SP100: variants seen among roughly 807,000 people sequenced by gnomAD.
The protein encoded by SP100 is nuclear autoantigen Sp-100.
SP100 carries 84 observed loss-of-function variants against 130.0 expected under a neutral mutation model. That is an observed-to-expected ratio of 0.65 (90% confidence interval 0.54 to 0.77). The LOEUF (loss-of-function observed/expected upper bound fraction) is 0.77, where lower values mean the gene tolerates loss of function less well. Among genes scored for constraint, SP100 ranks in the 30% least tolerant of loss-of-function variants. The pLI is 0.00. For synonymous variants in SP100, 331 were observed against 351.7 expected (o/e 0.94, Z 0.66); for missense variants, 978 against 1,052.2 (o/e 0.93, Z 0.97).
intron 2 of SP100, chr2:230,440,449 A>C: frequency 1.2e-6 from 1 of 840,282 alleles, no homozygotes. Context: ...TTTAAATTTA[A>C]TTAAATTAAA....
At chr2:230,457,068 C>A (rs139038329) in intron 8 of SP100, among the ~76,000 whole-genome samples, 9 of 152,308 alleles carry the variant, frequency 5.9e-5, no homozygotes, top group African/African-American at 2.2e-4. Context: ...TCTGGGAAAG[C>A]CTTTCACCCT....
chr2:230,511,788 C>G (rs1357241010), intron 24 of SP100, among the ~76,000 whole-genome samples: 1 of 152,200 alleles, frequency 6.6e-6, no homozygotes, highest in Non-Finnish European at 1.5e-5. Context: ...CATGTTTATT[C>G]TCACTTCTTG....
chr2:230,501,623 C>G (rs1376810280), intron 19 of SP100, among the ~76,000 whole-genome samples: 1 of 151,540 alleles, frequency 6.6e-6, no homozygotes, highest in Non-Finnish European at 1.5e-5. Context: ...ATAATTTGCT[C>G]AAAGGAAGGA....
intron 24 of SP100, 57 bp from the exon 25 acceptor site, chr2:230,539,210 T>C (rs934716880): frequency 4.7e-6 from 5 of 1,059,802 alleles, no homozygotes; most frequent in Non-Finnish European, 4.4e-6. Flanking sequence ...AAAGGTCACA[T>C]ATTCTAGGGT....
chr2:230,452,426 C>T (rs1280723905), intron 8 of SP100, among the ~76,000 whole-genome samples: 1 of 152,114 alleles, frequency 6.6e-6, no homozygotes, highest in Non-Finnish European at 1.5e-5. Flanking sequence ...ATCCACCCAC[C>T]TCAAACTCCT....
chr2:230,429,235 A>C (rs75110342), intron 2 of SP100, among the ~76,000 whole-genome samples: 2,478 of 152,264 alleles, frequency 0.016, 74 homozygotes, highest in African/African-American at 0.054. Context: ...ATTCTTGGTC[A>C]GTAGAGTTTC....
chr2:230,540,212 G>A (rs548209071), intron 25 of SP100, among the ~76,000 whole-genome samples: 71 of 152,306 alleles, frequency 4.7e-4, no homozygotes, highest in African/African-American at 1.6e-3. Flanking sequence ...GGCTCCTTGA[G>A]CAAGCACTAC....
intron 19 of SP100, among the ~76,000 whole-genome samples, chr2:230,501,591 G>A (rs1479349906): frequency 6.6e-6 from 1 of 152,162 alleles, no homozygotes; most frequent in Admixed American, 6.5e-5. Flanking sequence ...AAGGAAACAT[G>A]CCTTTCCAGC....
chr2:230,444,520 C>T (rs994105023), intron 4 of SP100, among the ~76,000 whole-genome samples, 174 bp downstream of exon 4: 5 of 152,118 alleles, frequency 3.3e-5, no homozygotes, highest in African/African-American at 1.2e-4. Flanking sequence ...TATGGTAAAA[C>T]AAGTACCCGG....
At chr2:230,435,691 CTCT>C (rs1314161565) in intron 2 of SP100, among the ~76,000 whole-genome samples, 1 of 152,136 alleles carries the variant, frequency 6.6e-6, no homozygotes, top group Non-Finnish European at 1.5e-5. Flanking sequence ...CATTCACTAG[CTCT>C]TCTTCCTGAT....
intron 2 of SP100, among the ~76,000 whole-genome samples, chr2:230,440,080 T>G (rs1202927142): frequency 1.3e-5 from 2 of 152,148 alleles, no homozygotes; most frequent in African/African-American, 4.8e-5. Flanking sequence ...ATGGTGCTGC[T>G]AAGTGCTTCT....
rs1692275492 is a variant in SP100 at position 230,545,287 on chromosome 2, A to C, written c.*2341A>C. ...ATGAGATCATGTCTCAGGAACATGG[A>C]TAGAGCTGGAGGCTATTATCCTTAG... On this transcript the variant is annotated 3_prime_UTR_variant, in exon 29 of 29. Transcript: ENST00000340126. Among the ~76,000 whole-genome samples the C allele has an allele frequency of 6.6e-6, 1 of 152,346 alleles. No homozygotes were observed. Among genetic ancestry groups the C allele is most frequent in the South Asian group, 2.1e-4 (1 of 4,824 alleles).
chr2:230,519,747 A>C (rs978756483), intron 24 of SP100, among the ~76,000 whole-genome samples: 2 of 152,180 alleles, frequency 1.3e-5, no homozygotes, highest in Non-Finnish European at 2.9e-5. Context: ...TCTCACTGCT[A>C]TCAGAAGTAA....
At chr2:230,481,474 A>G (rs2065829950) in intron 17 of SP100, among the ~76,000 whole-genome samples, 1 of 152,122 alleles carries the variant, frequency 6.6e-6, no homozygotes, top group Non-Finnish European at 1.5e-5. Flanking sequence ...TCAAGTTCCA[A>G]GACTATATAT....
intron 2 of SP100, among the ~76,000 whole-genome samples, chr2:230,433,553 A>C (rs1337821660): frequency 6.6e-6 from 1 of 152,078 alleles, no homozygotes; most frequent in East Asian, 1.9e-4. Flanking sequence ...TTTGATAGGA[A>C]TCATACTGAG....
intron 24 of SP100, among the ~76,000 whole-genome samples, chr2:230,517,251 A>G (rs1007623407): frequency 6.6e-6 from 1 of 152,148 alleles, no homozygotes; most frequent in African/African-American, 2.4e-5. Flanking sequence ...TCTTGGGGAA[A>G]CCTGCCAAAG....
intron 24 of SP100, chr2:230,515,421 G>T (rs1690856553): frequency 1.2e-6 from 2 of 1,613,738 alleles, no homozygotes; most frequent in African/African-American, 1.3e-5. Context: ...CAGGGATGTG[G>T]AATAACACCG....
intron 4 of SP100, among the ~76,000 whole-genome samples, chr2:230,444,750 C>T (rs1324789334): frequency 6.6e-6 from 1 of 152,212 alleles, no homozygotes; most frequent in Non-Finnish European, 1.5e-5. Context: ...CTTGGCTCAG[C>T]ACCACATGCC....
At chr2:230,455,676 TTGTC>T (rs2064239658) in intron 8 of SP100, among the ~76,000 whole-genome samples, 1 of 152,202 alleles carries the variant, frequency 6.6e-6, no homozygotes, top group South Asian at 2.1e-4. Context: ...TGTTTTCTGG[TTGTC>T]TGTAGATTCT....
Sources: allele counts gnomAD v4.1 joint callset (sites outside exome capture counted in the v4.1 genomes callset), GRCh38; gene constraint gnomAD v4.1.1; transcripts MANE v1.5; gene names NCBI Gene and HGNC (gene_info 2026-07-23, HGNC 2026-07-21).